Variants in NEK5 observed in about 807,000 individuals in gnomAD.
NEK5 encodes serine/threonine-protein kinase Nek5.
NEK5 carries 88 observed loss-of-function variants against 109.2 expected under a neutral mutation model. That is an observed-to-expected ratio of 0.81 (90% CI 0.68 to 0.96). The LOEUF (loss-of-function observed/expected upper bound fraction) is 0.96. Ranked by LOEUF, NEK5 falls within the 40% of genes least tolerant of loss-of-function variation. NEK5 has a pLI of 0.00. For missense variants in NEK5, 834 were observed against 920.7 expected (o/e 0.91, Z 1.22); for synonymous variants, 283 against 299.9 (o/e 0.94, Z 0.58).
In NEK5 at chr13:52,037,063, T is replaced by A. The variant is rs779875495; in HGVS notation, c.2384A>T (p.Lys795Ile). Residue 795 changes from lysine (K) to isoleucine (I), a missense_variant, in exon 24 of 24, where the codon AAA (lysine) becomes ATA (isoleucine). Lys to Ile is a moderately radical substitution (Grantham distance 102). Around this residue, in one of 2 missense-constraint regions of NEK5, gnomAD observed 57 missense variants for 96.0 expected, o/e 0.59. Coordinates refer to ENST00000684899, the MANE Select transcript of NEK5 (RefSeq NM_001365552.1). ...CAAGCCCTCCCTTAATTCTTCAGATTTCTGCATACTTATCCCCTCTCTTTC... is the reference window on the plus strand; with the variant it reads ...CAAGCCCTCCCTTAATTCTTCAGATATCTGCATACTTATCCCCTCTCTTTC... ...SREREGISMQ[K>I]SEELREGLEN... 60 of 985,294 alleles carry A rather than the reference T, an allele frequency of 6.1e-5. No homozygotes were observed. The highest frequency in any genetic ancestry group is 7.0e-5 in the Non-Finnish European group (58 of 829,918). The allele number at this position is 985,294 out of a possible 1,614,324, so 61.0% of individuals were successfully genotyped here.
In NEK5 at chr13:52,071,947, C is replaced by T; in HGVS notation, c.1846G>A (p.Ala616Thr). The T allele has an allele frequency of 1.2e-6, 2 of 1,613,210 alleles. No homozygotes were observed. Among genetic ancestry groups the T allele is most frequent in the Non-Finnish European group, 1.7e-6 (2 of 1,179,330 alleles). Residue 616 changes from alanine to threonine, a missense_variant, in exon 20 of 24, where the codon GCA becomes ACA. Coordinates refer to ENST00000684899, the MANE Select transcript of NEK5 (RefSeq NM_001365552.1). Reference protein sequence around the residue: ...KAFEKLHCPEAGFSTQTVAAV... With the variant: ...KAFEKLHCPETGFSTQTVAAV... The stretch of plus-strand genomic sequence containing the variant: ...ACAACTTTCAAGAAACACATACCTG[C>T]TTCTGGGCAGTGAAGTTTTTCAAAT...
chr13:52,065,134 A>C, intron 21 of NEK5: 1 of 291,012 alleles, frequency 3.4e-6, no homozygotes. Flanking sequence ...ATAAAAATTA[A>C]AAAAAAAAAA....
At chr13:52,124,524 T>G (rs1229624332) in intron 3 of NEK5, among the ~76,000 whole-genome samples, 1 of 152,228 alleles carries the variant, frequency 6.6e-6, no homozygotes, top group Non-Finnish European at 1.5e-5. Context: ...TTTTTATAAA[T>G]TACTTAACAA....
At chr13:52,119,272 A>T (rs377184935) in intron 4 of NEK5, 47 bp downstream of exon 4, 2 of 1,019,170 alleles carry the variant, frequency 2.0e-6, no homozygotes, top group Non-Finnish European at 2.9e-6. Context: ...ATATGTCAAC[A>T]TGCCTATACT....
intron 17 of NEK5, among the ~76,000 whole-genome samples, chr13:52,079,445 G>A (rs1012696061): frequency 2.6e-5 from 4 of 152,232 alleles, no homozygotes; most frequent in African/African-American, 9.6e-5. Flanking sequence ...GATTGCAGGG[G>A]CGCACCGCCA....
chr13:52,089,177 T>G, intron 14 of NEK5, 70 bp downstream of exon 14: 3 of 996,504 alleles, frequency 3.0e-6, no homozygotes, highest in Non-Finnish European at 4.8e-6. Flanking sequence ...GAACTTTGAC[T>G]TGAAAATCTG....
At chr13:52,094,204 T>A (rs1191944068) in intron 12 of NEK5, among the ~76,000 whole-genome samples, 3 of 151,914 alleles carry the variant, frequency 2.0e-5, no homozygotes, top group Non-Finnish European at 4.4e-5. Flanking sequence ...AAGAAACAGA[T>A]CAAATTAAGA....
intron 8 of NEK5, among the ~76,000 whole-genome samples, 168 bp from the exon 9 acceptor site, chr13:52,104,720 T>G (rs1044690360): frequency 2.0e-5 from 3 of 152,236 alleles, no homozygotes; most frequent in African/African-American, 7.2e-5. Context: ...AGATAAGAGG[T>G]AAAATGAAAA....
At chr13:52,128,669 G>A (rs1388500211) in intron 1 of NEK5, among the ~76,000 whole-genome samples, 1 of 152,118 alleles carries the variant, frequency 6.6e-6, no homozygotes, top group Non-Finnish European at 1.5e-5. Context: ...AGACGCATAC[G>A]GACTTGGGGC....
At chr13:52,092,683 C>T (rs1330613440) in intron 13 of NEK5, among the ~76,000 whole-genome samples, 1 of 152,096 alleles carries the variant, frequency 6.6e-6, no homozygotes, top group African/African-American at 2.4e-5. Flanking sequence ...GTCAGGAGTT[C>T]AAGATCAGGT....
rs1212090514 is a variant in NEK5, at chr13:52,064,798, G to GA, written c.1975+685dup. The GA allele has an allele frequency of 3.5e-5, 8 of 231,028 alleles. No individual in the cohort carries two copies. In the East Asian group the frequency reaches 1.2e-3, roughly 36 times the overall value. The allele number at this position is 231,028 out of a possible 1,614,324, so 14.3% of individuals were successfully genotyped here. On this transcript the variant is annotated intron_variant, in intron 21 of 23. Coordinates refer to ENST00000684899, the MANE Select transcript of NEK5 (RefSeq NM_001365552.1). ...ACTAAGAAAAATTCTTCTGCCTTGG[G>GA]ATCCTGCTAATCGGTGACCTTACCC...
intron 23 of NEK5, among the ~76,000 whole-genome samples, chr13:52,045,342 G>A (rs1341882530): frequency 8.0e-5 from 12 of 149,890 alleles, no homozygotes; most frequent in Non-Finnish European, 5.9e-5. Flanking sequence ...GTGTTAGCCA[G>A]GATGGTCTCG....
intron 23 of NEK5, among the ~76,000 whole-genome samples, chr13:52,046,027 T>C: frequency 7.2e-6 from 1 of 138,010 alleles, no homozygotes; most frequent in East Asian, 2.1e-4. Context: ...GCCAAGATCA[T>C]GCCACTACAC....
At chr13:52,046,657 G>C (rs1478353546) in intron 23 of NEK5, among the ~76,000 whole-genome samples, 1 of 151,974 alleles carries the variant, frequency 6.6e-6, no homozygotes, top group Non-Finnish European at 1.5e-5. Flanking sequence ...ATTGAGCCCA[G>C]GAGGTCGAGG....
At chr13:52,116,519 A>C (rs1207113468) in intron 4 of NEK5, among the ~76,000 whole-genome samples, 1 of 152,176 alleles carries the variant, frequency 6.6e-6, no homozygotes, top group Non-Finnish European at 1.5e-5. Flanking sequence ...AATCTATAAC[A>C]ACCTAAATAA....
chr13:52,101,378 C>T (rs896798949), intron 11 of NEK5, among the ~76,000 whole-genome samples: 6 of 151,594 alleles, frequency 4.0e-5, no homozygotes, highest in Non-Finnish European at 8.8e-5. Flanking sequence ...CCAGCCTGGG[C>T]GACAGAGCGA....
At chr13:52,066,236 A>G (rs1482299454) in intron 20 of NEK5, among the ~76,000 whole-genome samples, 3 of 152,182 alleles carry the variant, frequency 2.0e-5, no homozygotes, top group African/African-American at 7.2e-5. Context: ...TGCTTTATGA[A>G]TGTAATATAA....
chr13:52,047,780 G>A (rs1048741728), intron 23 of NEK5, among the ~76,000 whole-genome samples: 3 of 151,488 alleles, frequency 2.0e-5, no homozygotes, highest in Admixed American at 6.6e-5. Context: ...GGAGTTCAAG[G>A]CTGCAGTGAA....
chr13:52,087,988 C>T (rs972371391), intron 14 of NEK5, among the ~76,000 whole-genome samples: 2 of 147,686 alleles, frequency 1.4e-5, no homozygotes, highest in East Asian at 4.0e-4. Context: ...AGTACAGTGG[C>T]GCAATCTTAG....
Sources: gnomAD v4.1 joint callset for allele counts (sites outside exome capture counted in the v4.1 genomes callset) on GRCh38, gnomAD v4.1.1 for gene constraint, gnomAD v4.1.1 regional missense constraint, MANE v1.5 for transcripts, NCBI Gene and HGNC (gene_info 2026-07-23, HGNC 2026-07-21) for gene names.